Variants in ANKRD44 observed in about 807,000 individuals in gnomAD.
The protein encoded by ANKRD44 is ankyrin repeat domain 44, also known as serine/threonine-protein phosphatase 6 regulatory ankyrin repeat subunit B.
ANKRD44 carries 35 observed loss-of-function variants against 116.0 expected under a neutral mutation model. That is an observed-to-expected ratio of 0.30 (90% CI 0.23 to 0.40). ANKRD44 has a LOEUF of 0.40. ANKRD44 is among the 10% of genes least tolerant of loss of function. The pLI, the probability that ANKRD44 is intolerant of heterozygous loss-of-function variation, is 1.00. For missense variants in ANKRD44, 1,014 were observed against 1,242.6 expected (o/e 0.82, Z 2.77); for synonymous variants, 435 against 461.8 (o/e 0.94, Z 0.74).
At chr2:197,275,747 G>T (rs1444406766) in intron 1 of ANKRD44, among the ~76,000 whole-genome samples, 3 of 152,000 alleles carry the variant, frequency 2.0e-5, no homozygotes, top group South Asian at 2.1e-4. Flanking sequence ...CTGGCATATG[G>T]GGGGTGGGAG....
At chr2:197,131,214 C>T (rs549999204) in intron 4 of ANKRD44, among the ~76,000 whole-genome samples, 7 of 144,164 alleles carry the variant, frequency 4.9e-5, no homozygotes, top group Non-Finnish European at 1.1e-4. Context: ...TTTTTTGAGA[C>T]GGAGTCTCGC....
chr2:197,273,755 C>T (rs1468507519), intron 1 of ANKRD44, among the ~76,000 whole-genome samples: 2 of 151,918 alleles, frequency 1.3e-5, no homozygotes, highest in Non-Finnish European at 2.9e-5. Context: ...ACCTTGAAGG[C>T]CTAAGGCCCT....
At chr2:196,996,070 A>G (rs142189537) in intron 25 of ANKRD44, among the ~76,000 whole-genome samples, 1 of 152,352 alleles carries the variant, frequency 6.6e-6, no homozygotes, top group Non-Finnish European at 1.5e-5. Flanking sequence ...GACTCTTACA[A>G]TTTCAGGCCT....
chr2:197,263,350 A>G (rs2082658790), intron 1 of ANKRD44: 7 of 660,190 alleles, frequency 1.1e-5, no homozygotes, highest in Middle Eastern at 6.0e-4. Context: ...CTGGGGCGCC[A>G]CAGTTGGGGT....
intron 16 of ANKRD44, 151 bp downstream of exon 16, chr2:197,078,551 CT>C: frequency 6.7e-7 from 1 of 1,502,580 alleles, no homozygotes; most frequent in Non-Finnish European, 9.0e-7. Flanking sequence ...AGAAAAAACA[CT>C]TTTTGAAATC....
At chr2:197,015,857 G>A (rs541407547) in intron 17 of ANKRD44, 84 of 516,896 alleles carry the variant, frequency 1.6e-4, no homozygotes, top group Non-Finnish European at 2.8e-4. Context: ...TGTGGTGGTG[G>A]TGGGAACAAT....
intron 1 of ANKRD44, among the ~76,000 whole-genome samples, chr2:197,262,285 C>A (rs2082625803): frequency 6.6e-6 from 1 of 152,082 alleles, no homozygotes; most frequent in Non-Finnish European, 1.5e-5. Flanking sequence ...ATCTTAGAAC[C>A]CAGGCCCTAA....
chr2:197,011,967 G>T (rs1438109574), intron 18 of ANKRD44, among the ~76,000 whole-genome samples: 1 of 152,230 alleles, frequency 6.6e-6, no homozygotes, highest in Non-Finnish European at 1.5e-5. Flanking sequence ...TTTTTCACAC[G>T]ACTCAAAGAC....
chr2:197,122,028 C>T (rs1332868422), intron 7 of ANKRD44, among the ~76,000 whole-genome samples: 1 of 152,062 alleles, frequency 6.6e-6, no homozygotes, highest in Non-Finnish European at 1.5e-5. Flanking sequence ...GCTCTGGAGT[C>T]CGACACCTCA....
At chr2:197,191,186 G>C (rs917459804) in intron 1 of ANKRD44, among the ~76,000 whole-genome samples, 2 of 152,206 alleles carry the variant, frequency 1.3e-5, no homozygotes, top group Non-Finnish European at 2.9e-5. Flanking sequence ...GGTAGATTCA[G>C]AAGACAGAAG....
intron 16 of ANKRD44, among the ~76,000 whole-genome samples, chr2:197,035,968 G>A (rs764888137): frequency 3.9e-5 from 6 of 152,048 alleles, no homozygotes; most frequent in Non-Finnish European, 5.9e-5. Context: ...CAGTCTTTCT[G>A]CATATCCACA....
At chr2:197,046,698 T>C (rs2077008300) in intron 16 of ANKRD44, among the ~76,000 whole-genome samples, 1 of 150,532 alleles carries the variant, frequency 6.6e-6, no homozygotes, top group East Asian at 1.9e-4. Flanking sequence ...CCAGCTGGAG[T>C]AGTATACATG....
intron 8 of ANKRD44, among the ~76,000 whole-genome samples, chr2:197,120,389 C>T (rs1460490418): frequency 1.3e-5 from 2 of 152,160 alleles, no homozygotes; most frequent in Non-Finnish European, 2.9e-5. Context: ...GTGGCTCACA[C>T]CTGTAATCCC....
At chr2:197,191,459 A>ACTTT (rs2080820448) in intron 1 of ANKRD44, among the ~76,000 whole-genome samples, 1 of 152,246 alleles carries the variant, frequency 6.6e-6, no homozygotes, top group Non-Finnish European at 1.5e-5. Flanking sequence ...TAATCAGCCG[A>ACTTT]AAGCCACTTT....
At position 197,191,457 on chromosome 2, in the gene ANKRD44, C is replaced by T. The variant is rs1263331099; in HGVS notation, c.28-4351G>A. Among the ~76,000 whole-genome samples, 3 of 152,240 alleles carry T rather than the reference C, an allele frequency of 2.0e-5. No homozygotes were observed. In the East Asian group the frequency reaches 5.8e-4, roughly 29 times the overall value. On this transcript the variant is annotated intron_variant, in intron 1 of 27. Transcript: ENST00000282272. Reference sequence around the variant, plus strand: ...CCCTTGGAACTGAAATCTAATCAGCCGAAAGCCACTTTCTCTACCCACATC... The same window carrying T: ...CCCTTGGAACTGAAATCTAATCAGCTGAAAGCCACTTTCTCTACCCACATC...
chr2:197,150,073 T>C (rs1234748703), intron 2 of ANKRD44, among the ~76,000 whole-genome samples: 1 of 152,200 alleles, frequency 6.6e-6, no homozygotes, highest in Non-Finnish European at 1.5e-5. Context: ...TACTACTCCA[T>C]CTCAAAACAT....
intron 2 of ANKRD44, among the ~76,000 whole-genome samples, chr2:197,171,728 G>A (rs1271754898): frequency 6.6e-6 from 1 of 152,124 alleles, no homozygotes; most frequent in Non-Finnish European, 1.5e-5. Context: ...GATGTTCATC[G>A]ATTGTAACAA....
At chr2:196,995,581 G>T in intron 25 of ANKRD44, 120 bp from the exon 26 acceptor site, 1 of 685,084 alleles carries the variant, frequency 1.5e-6, no homozygotes, top group Non-Finnish European at 2.4e-6. Flanking sequence ...CATTCTATAG[G>T]GCTATTTTCT....
chr2:197,029,212 G>A (rs1313445431), intron 16 of ANKRD44: 2 of 192,952 alleles, frequency 1.0e-5, no homozygotes, highest in Non-Finnish European at 2.1e-5. Flanking sequence ...TCCCACCTAT[G>A]AGTGGGAACA....
Sources: allele counts gnomAD v4.1 joint callset (sites outside exome capture counted in the v4.1 genomes callset), GRCh38; gene constraint gnomAD v4.1.1; transcripts MANE v1.5; gene names NCBI Gene and HGNC (gene_info 2026-07-23, HGNC 2026-07-21).